The following TTYH2 variants were observed in gnomAD, a reference collection of about 807,000 sequenced individuals.
TTYH2 encodes the protein tweety family member 2, also known as protein tweety homolog 2.
A neutral mutation model predicts 68.3 loss-of-function variants in TTYH2; 49 were observed. The observed-to-expected ratio is 0.72, with a 90% CI of 0.57 to 0.91. The LOEUF (loss-of-function observed/expected upper bound fraction) is 0.91, where lower values mean the gene tolerates loss of function less well. Among genes scored for constraint, TTYH2 ranks in the 40% least tolerant of loss-of-function variants. TTYH2 has a pLI of 0.00. For missense variants in TTYH2, 631 were observed against 700.4 expected (o/e 0.90, Z 1.12); for synonymous variants, 272 against 300.8 (o/e 0.90, Z 0.99).
rs1251256163 is a variant in TTYH2 at position 74,215,830 on chromosome 17, G to A, written c.129+2114G>A. The A allele has an allele frequency of 2.9e-6, 3 of 1,039,550 alleles. No individual in the cohort carries two copies. The highest frequency in any genetic ancestry group is 4.3e-6 in the Non-Finnish European group (3 of 703,856). 64.4% of individuals were successfully genotyped at this position (1,039,550 alleles called of 1,614,324 possible). A position where few individuals can be genotyped will look rare whatever the true frequency, so the allele number is the denominator to read the frequency against. Reference sequence around the variant, plus strand: ...ATCCCAGTCTTCAGCAAGCTTGACTGGAGCAAGTGCTATGCCAGGCGTGGG... The same window carrying A: ...ATCCCAGTCTTCAGCAAGCTTGACTAGAGCAAGTGCTATGCCAGGCGTGGG... On this transcript the variant is annotated intron_variant, in intron 1 of 13. Coordinates refer to ENST00000269346, the MANE Select transcript of TTYH2 (RefSeq NM_032646.6). The surrounding 1 kb of genome is among the most constrained non-coding windows in gnomAD (Gnocchi z 4.3).
intron 6 of TTYH2, among the ~76,000 whole-genome samples, chr17:74,244,759 A>G (rs529752892): frequency 3.3e-5 from 5 of 152,278 alleles, no homozygotes; most frequent in African/African-American, 1.2e-4. Flanking sequence ...GGAAGCCAAG[A>G]GGACGTGATG....
rs1228702357 is a variant in TTYH2, at chr17:74,222,732, C to T, written c.302+75C>T. 3 of 1,433,586 alleles carry T rather than the reference C, an allele frequency of 2.1e-6. No individual in the cohort carries two copies. Among genetic ancestry groups the T allele is most frequent in the South Asian group, 1.5e-5 (1 of 68,614 alleles). 88.8% of individuals were successfully genotyped at this position (1,433,586 alleles called of 1,614,324 possible). A position where few individuals can be genotyped will look rare whatever the true frequency, so the allele number is the denominator to read the frequency against. ...GGGCCAGGGACTGTTTGACCATGTT[C>T]TGACGGAGCTCCAGCTACCTTGATG... On this transcript the variant is annotated intron_variant, in intron 2 of 13. Coordinates refer to ENST00000269346, the MANE Select transcript of TTYH2 (RefSeq NM_032646.6). The surrounding 1 kb of genome is among the most constrained non-coding windows in gnomAD (Gnocchi z 5.2).
chr17:74,224,226 G>A (rs1225882447), intron 2 of TTYH2, among the ~76,000 whole-genome samples: 1 of 152,064 alleles, frequency 6.6e-6, no homozygotes, highest in Non-Finnish European at 1.5e-5. Context: ...CTTGGGCAAT[G>A]TAGTGAGACC....
intron 10 of TTYH2, 138 bp from the exon 11 acceptor site, chr17:74,252,095 GC>G (rs2050636712): frequency 9.3e-7 from 1 of 1,077,172 alleles, no homozygotes; most frequent in African/African-American, 1.6e-5. Context: ...CTTTAATGGT[GC>G]TGCAAGGCGC....
chr17:74,250,213 G>T (rs924079446), intron 9 of TTYH2, 52 bp from the exon 10 acceptor site: 18 of 1,552,324 alleles, frequency 1.2e-5, no homozygotes, highest in Non-Finnish European at 1.5e-5. Context: ...GGTTTTCTCC[G>T]CCAGCTCTCC....
chr17:74,244,366 G>A (rs1314285754), intron 6 of TTYH2, among the ~76,000 whole-genome samples: 6 of 152,220 alleles, frequency 3.9e-5, no homozygotes, highest in Non-Finnish European at 7.3e-5. Context: ...GGTGACCAGG[G>A]CGCTTCTCTC....
chr17:74,222,871 C>A lies in TTYH2; in HGVS notation c.302+214C>A, dbSNP rs1261787401. On this transcript the variant is annotated intron_variant, in intron 2 of 13. Coordinates refer to ENST00000269346, the MANE Select transcript of TTYH2 (RefSeq NM_032646.6). This position sits in a 1 kb window ranked among gnomAD's most constrained non-coding sequence, Gnocchi z 5.2. ...CAGAAAGGTCTCCCAAGTGGCCCCC[C>A]ACAAACCCTGCCCCAATGTGGGTTT... Among the ~76,000 whole-genome samples, 1 of 151,956 alleles carries A rather than the reference C, an allele frequency of 6.6e-6. No homozygotes were observed. The highest frequency in any genetic ancestry group is 6.5e-5 in the Admixed American group (1 of 15,276).
In TTYH2 at chr17:74,222,998, G is replaced by A. The variant is rs1294948188; in HGVS notation, c.302+341G>A. 2.0e-5 allele frequency among the ~76,000 whole-genome samples: 3 copies of A among 152,128 alleles called. No individual in the cohort carries two copies. Among genetic ancestry groups the A allele is most frequent in the Non-Finnish European group, 4.4e-5 (3 of 68,032 alleles). Reference sequence around the variant, plus strand: ...GCCAGCTGCTGCCCTGGGTCTGTGAGGTCAGAAGAAAGTTTGACTCCAGCA... The same window carrying A: ...GCCAGCTGCTGCCCTGGGTCTGTGAAGTCAGAAGAAAGTTTGACTCCAGCA... On this transcript the variant is annotated intron_variant, in intron 2 of 13. Coordinates refer to ENST00000269346, the MANE Select transcript of TTYH2 (RefSeq NM_032646.6). The surrounding 1 kb of genome is among the most constrained non-coding windows in gnomAD (Gnocchi z 5.2).
At chr17:74,229,684 T>C (rs907155879) in intron 2 of TTYH2, among the ~76,000 whole-genome samples, 1 of 152,140 alleles carries the variant, frequency 6.6e-6, no homozygotes, top group African/African-American at 2.4e-5. Context: ...TATTCAGCAC[T>C]GAAAAAAATG....
intron 11 of TTYH2, among the ~76,000 whole-genome samples, chr17:74,252,867 G>A (rs543614246): frequency 5.9e-5 from 9 of 152,306 alleles, no homozygotes; most frequent in Middle Eastern, 3.4e-3. Flanking sequence ...CATGGTCAGC[G>A]TGGTGGGGAG....
In TTYH2 at chr17:74,241,629, T is replaced by C. The variant is rs919759187; in HGVS notation, c.636-1745T>C. Among the ~76,000 whole-genome samples, 3 of 152,198 alleles carry C rather than the reference T, an allele frequency of 2.0e-5. No homozygotes were observed. The highest frequency in any genetic ancestry group is 2.9e-5 in the Non-Finnish European group (2 of 68,036). On this transcript the variant is annotated intron_variant, in intron 4 of 13. Coordinates refer to ENST00000269346, the MANE Select transcript of TTYH2 (RefSeq NM_032646.6). This position sits in a 1 kb window ranked among gnomAD's most constrained non-coding sequence, Gnocchi z 4.1. ...CCACTTTCTGCCAGCTCCAGGGCAC[T>C]CCCTGCCCACGCTCCAAACTCCGTC...
At chr17:74,243,519 A>G (rs2050523717) in intron 5 of TTYH2, 50 bp downstream of exon 5, 1 of 1,587,636 alleles carries the variant, frequency 6.3e-7, no homozygotes, top group Non-Finnish European at 8.6e-7. Flanking sequence ...GCAGGATGCC[A>G]TCATCAGAGA....
intron 8 of TTYH2, 125 bp from the exon 9 acceptor site, chr17:74,249,811 G>A (rs1017860326): frequency 2.7e-6 from 3 of 1,118,356 alleles, no homozygotes; most frequent in East Asian, 2.4e-5. Context: ...GCAGCCAGGT[G>A]GGGGGGTGGG....
intron 6 of TTYH2, chr17:74,248,255 A>G (rs2050581165): frequency 2.0e-6 from 2 of 985,330 alleles, no homozygotes; most frequent in East Asian, 2.3e-4. Context: ...TCCAGTCCCT[A>G]GAGCACCCCA....
rs1283585372 is a variant in TTYH2 at position 74,217,504 on chromosome 17, C to G, written c.129+3788C>G. 1.3e-5 allele frequency among the ~76,000 whole-genome samples: 2 copies of G among 152,138 alleles called. No homozygotes were observed. The highest frequency in any genetic ancestry group is 4.8e-5 in the African/African-American group (2 of 41,416). The stretch of plus-strand genomic sequence containing the variant: ...AGAAGGACCAGGCAGCAAGCCCATC[C>G]CAGCCGAGATCTGAGAAGAGCTGAG... On this transcript the variant is annotated intron_variant, in intron 1 of 13. Transcript: ENST00000269346. This position sits in a 1 kb window ranked among gnomAD's most constrained non-coding sequence, Gnocchi z 4.0.
In TTYH2 at chr17:74,260,240, C is replaced by G. The variant is rs2050735867; in HGVS notation, c.*31C>G. On this transcript the variant is annotated 3_prime_UTR_variant, in exon 14 of 14. Coordinates refer to ENST00000269346, the MANE Select transcript of TTYH2 (RefSeq NM_032646.6). ...TTTCGGGGGTTCCTGCCTCCTTTTT[C>G]CGTTCTGGTTTTTAATTAGTGCAAA... is the stretch of plus-strand genomic sequence containing the variant. 3 of 1,607,176 alleles carry G rather than the reference C, an allele frequency of 1.9e-6. No homozygotes were observed. The highest frequency in any genetic ancestry group is 2.6e-6 in the Non-Finnish European group (3 of 1,174,318).
intron 6 of TTYH2, 60 bp from the exon 7 acceptor site, chr17:74,248,951 A>G: frequency 6.2e-7 from 1 of 1,610,646 alleles, no homozygotes; most frequent in Non-Finnish European, 8.5e-7. Flanking sequence ...GGCTCCTCCC[A>G]GGGCCCCGCT....
intron 8 of TTYH2, 139 bp downstream of exon 8, chr17:74,249,538 G>A: frequency 1.1e-6 from 1 of 909,720 alleles, no homozygotes; most frequent in Non-Finnish European, 1.7e-6. Context: ...GCTTCTGTGA[G>A]GGGGGCGTGC....
chr17:74,222,702 G>A lies in TTYH2; in HGVS notation c.302+45G>A, dbSNP rs1338817897. ...GGGCTTGGGGTGTGTGACTCAGTCT[G>A]CAAGGGGCCAGGGACTGTTTGACCA... is the stretch of plus-strand genomic sequence containing the variant. On this transcript the variant is annotated intron_variant, in intron 2 of 13. Coordinates refer to ENST00000269346, the MANE Select transcript of TTYH2 (RefSeq NM_032646.6). This position sits in a 1 kb window ranked among gnomAD's most constrained non-coding sequence, Gnocchi z 5.2. The A allele has an allele frequency of 7.7e-6, 12 of 1,566,806 alleles. No homozygotes were observed. The Admixed American group carries it at 2.1e-4, about 27-fold the overall frequency.
Sources: gnomAD v4.1 joint callset for allele counts (sites outside exome capture counted in the v4.1 genomes callset) on GRCh38, gnomAD v4.1.1 for gene constraint, Gnocchi (gnomAD v3.1) non-coding constraint, MANE v1.5 for transcripts, NCBI Gene and HGNC (gene_info 2026-07-23, HGNC 2026-07-21) for gene names.